Variants in PTCSC3 observed in about 807,000 individuals in gnomAD.
The protein encoded by PTCSC3 is papillary thyroid carcinoma susceptibility candidate 3.
chr14:36,169,396 G>C (rs1377869344), intron 1 of PTCSC3, among the ~76,000 whole-genome samples: 1 of 152,136 alleles, frequency 6.6e-6, no homozygotes. Flanking sequence ...GGTTGTGTGT[G>C]TATCTGTGTA....
chr14:36,165,447 GATTATTTT>G (rs1310152303), intron 1 of PTCSC3, among the ~76,000 whole-genome samples: 1 of 151,772 alleles, frequency 6.6e-6, no homozygotes, highest in Non-Finnish European at 1.5e-5. Context: ...TTCTCTATGA[GATTATTTT>G]CACTTTGACC....
intron 1 of PTCSC3, among the ~76,000 whole-genome samples, chr14:36,174,317 T>C (rs1006212470): frequency 9.2e-5 from 14 of 152,296 alleles, no homozygotes; most frequent in African/African-American, 3.1e-4. Context: ...TCTAAGTTCA[T>C]TGACTCTCTA....
At chr14:36,140,433 C>T (rs969347511) in intron 3 of PTCSC3, among the ~76,000 whole-genome samples, 9 of 152,208 alleles carry the variant, frequency 5.9e-5, no homozygotes, top group Non-Finnish European at 1.2e-4. Flanking sequence ...TGTTCTAAAG[C>T]AGCTGTGCCA....
intron 2 of PTCSC3, among the ~76,000 whole-genome samples, chr14:36,160,153 A>C (rs1199371325): frequency 6.6e-6 from 1 of 152,174 alleles, no homozygotes; most frequent in Non-Finnish European, 1.5e-5. Flanking sequence ...TGAATACAGC[A>C]CACTGATGGG....
intron 2 of PTCSC3, among the ~76,000 whole-genome samples, chr14:36,157,471 G>C (rs2139102934): frequency 1.3e-5 from 2 of 152,170 alleles, no homozygotes; most frequent in Admixed American, 1.3e-4. Context: ...TGAAGTCTTT[G>C]CCCATGCCTA....
rs577588987 is a variant in PTCSC3, at chr14:36,138,951, A to G, written n.323-2595T>C. Among the ~76,000 whole-genome samples the G allele has an allele frequency of 1.1e-4, 16 of 152,072 alleles. 1 individual carries two copies. Among genetic ancestry groups the G allele is most frequent in the African/African-American group, 3.9e-4 (16 of 41,498 alleles). Reference sequence around the variant, plus strand: ...AACACGGTGAAACCCCGTCTCTACTAAAAATACAAAAAATTAGCTGGGCGT... The same window carrying G: ...AACACGGTGAAACCCCGTCTCTACTGAAAATACAAAAAATTAGCTGGGCGT... On this transcript the variant is annotated intron_variant and non_coding_transcript_variant, in intron 3 of 3. Coordinates refer to ENST00000556013, the Ensembl canonical transcript of PTCSC3.
chr14:36,157,924 T>C (rs558944600), intron 2 of PTCSC3, among the ~76,000 whole-genome samples: 1 of 152,236 alleles, frequency 6.6e-6, no homozygotes, highest in African/African-American at 2.4e-5. Flanking sequence ...GTGTCCTCTC[T>C]GATTTCCTTG....
intron 3 of PTCSC3, among the ~76,000 whole-genome samples, chr14:36,141,910 G>A (rs531355210): frequency 3.5e-4 from 54 of 152,210 alleles, no homozygotes; most frequent in South Asian, 2.9e-3. Flanking sequence ...GCTATTTGTC[G>A]TAATTGCTTA....
In PTCSC3 at chr14:36,151,368, G is replaced by A. The variant is rs554339114; in HGVS notation, n.322+2436C>T. On this transcript the variant is annotated intron_variant and non_coding_transcript_variant, in intron 3 of 3. Transcript: ENST00000556013. ...GGGATATCATATGCCTAAATTTTGGGTATTCGTTCCCTTGGTATTCTCTGA... is the reference window on the plus strand; with the variant it reads ...GGGATATCATATGCCTAAATTTTGGATATTCGTTCCCTTGGTATTCTCTGA... Among the ~76,000 whole-genome samples, 4 of 152,008 alleles carry A rather than the reference G, an allele frequency of 2.6e-5. No homozygotes were observed. In the East Asian group the frequency reaches 5.8e-4, roughly 22 times the overall value.
chr14:36,155,179 A>C (rs1881802554), intron 2 of PTCSC3, among the ~76,000 whole-genome samples: 1 of 152,204 alleles, frequency 6.6e-6, no homozygotes, highest in African/African-American at 2.4e-5. Flanking sequence ...TAACATTCAA[A>C]AACCAAAGAA....
intron 1 of PTCSC3, among the ~76,000 whole-genome samples, chr14:36,164,451 C>T (rs1275551888): frequency 6.6e-6 from 1 of 152,076 alleles, no homozygotes; most frequent in East Asian, 1.9e-4. Flanking sequence ...AGTTGTAATC[C>T]TTGCATTTAT....
chr14:36,140,904 G>A (rs558504432), intron 3 of PTCSC3, among the ~76,000 whole-genome samples: 276 of 152,136 alleles, frequency 1.8e-3, no homozygotes, highest in African/African-American at 6.3e-3. Flanking sequence ...GTTGATTTTC[G>A]TGAAAGGTGT....
intron 1 of PTCSC3, among the ~76,000 whole-genome samples, chr14:36,171,951 C>T (rs1882201844): frequency 6.6e-6 from 1 of 152,128 alleles, no homozygotes; most frequent in Non-Finnish European, 1.5e-5. Flanking sequence ...TTCTCTCCAA[C>T]TAGAAGCAAT....
Position 36,148,368 on chromosome 14 carries a change from C to T in PTCSC3, n.322+5436G>A, listed in dbSNP as rs949043371. Among the ~76,000 whole-genome samples, 53 of 152,250 alleles carry T rather than the reference C, an allele frequency of 3.5e-4. 1 individual carries two copies. Among genetic ancestry groups the T allele is most frequent in the African/African-American group, 6.3e-4 (26 of 41,540 alleles). ...AGGTGTGGGATATAATGTCGTGGTG[C>T]GCCGTTTTTTAAGCCTGTCGGAAAA... is the stretch of plus-strand genomic sequence containing the variant. On this transcript the variant is annotated intron_variant and non_coding_transcript_variant, in intron 3 of 3. Transcript: ENST00000556013.
intron 2 of PTCSC3, among the ~76,000 whole-genome samples, chr14:36,158,145 G>A (rs1323018683): frequency 2.0e-5 from 3 of 152,176 alleles, no homozygotes; most frequent in Non-Finnish European, 4.4e-5. Context: ...AGCTTAAGGA[G>A]ATTTTGGGCT....
chr14:36,176,556 T>A (rs549972316), upstream of PTCSC3: 1 of 152,210 alleles, frequency 6.6e-6, no homozygotes, highest in South Asian at 2.1e-4. Flanking sequence ...CCATCACCAA[T>A]TTATCCTGTT....
chr14:36,168,277 A>G lies in PTCSC3; in HGVS notation n.172-5594T>C, dbSNP rs73256202. On this transcript the variant is annotated intron_variant and non_coding_transcript_variant, in intron 1 of 3. Coordinates refer to ENST00000556013, the Ensembl canonical transcript of PTCSC3. ...AGTTCCATTTCCATGATCTTTACCT[A>G]AACAACACCCTCTCGTTAATAAAAC... 4.6e-3 allele frequency among the ~76,000 whole-genome samples: 696 copies of G among 151,038 alleles called. 3 individuals carry two copies. Among genetic ancestry groups the G allele is most frequent in the African/African-American group, 0.016 (658 of 40,916 alleles).
At chr14:36,159,649 T>C (rs1881910322) in intron 2 of PTCSC3, among the ~76,000 whole-genome samples, 1 of 152,138 alleles carries the variant, frequency 6.6e-6, no homozygotes, top group Admixed American at 6.6e-5. Flanking sequence ...TGCTGAGGAG[T>C]GTTTTACTTC....
At chr14:36,154,827 A>G (rs1198278397) in intron 2 of PTCSC3, among the ~76,000 whole-genome samples, 1 of 152,230 alleles carries the variant, frequency 6.6e-6, no homozygotes, top group Non-Finnish European at 1.5e-5. Flanking sequence ...ATGTCTGTAA[A>G]TAATTTTAAT....
Sources: allele counts gnomAD v4.1 joint callset (sites outside exome capture counted in the v4.1 genomes callset), GRCh38; gene constraint gnomAD v4.1.1; transcripts MANE v1.5; gene names NCBI Gene and HGNC (gene_info 2026-07-23, HGNC 2026-07-21).